CUL2: variants seen among roughly 807,000 people sequenced by gnomAD.
CUL2 encodes the protein cullin 2.
A neutral mutation model predicts 110.2 loss-of-function variants in CUL2; 22 were observed. The ratio of observed to expected loss-of-function variants is 0.20; its 90% confidence interval spans 0.14 to 0.28. The LOEUF is 0.28. CUL2 is among the 10% of genes least tolerant of loss of function. The pLI, the probability that CUL2 is intolerant of heterozygous loss-of-function variation, is 1.00. For synonymous variants in CUL2, 279 were observed against 293.2 expected, an observed-to-expected ratio of 0.95 and a Z score of 0.49; for missense variants, 631 against 905.5, an observed-to-expected ratio of 0.70 and a Z score of 3.89.
chr10:35,025,321 G>C (rs551893886), intron 16 of CUL2, 123 bp from the exon 17 acceptor site: 26 of 1,307,650 alleles, frequency 2.0e-5, no homozygotes, highest in Non-Finnish European at 2.4e-5. Context: ...AGCCCATCTG[G>C]TTTACCTCCT....
At chr10:35,049,335 TA>T (rs2086030121) in intron 6 of CUL2, among the ~76,000 whole-genome samples, 1 of 152,128 alleles carries the variant, frequency 6.6e-6, no homozygotes, top group Non-Finnish European at 1.5e-5. Context: ...CACGAGGATT[TA>T]AACAGGTAAT....
upstream of CUL2, chr10:35,126,742 G>T (rs367560139): frequency 1.7e-4 from 26 of 152,452 alleles, 1 homozygote; most frequent in South Asian, 5.0e-3. Context: ...CCACCTCCAG[G>T]CTAGTTCCTC....
chr10:35,103,900 A>T (rs2135114022), intron 1 of CUL2, among the ~76,000 whole-genome samples: 1 of 152,240 alleles, frequency 6.6e-6, no homozygotes, highest in Admixed American at 6.5e-5. Context: ...TCCAAGGGAT[A>T]GATCTTGGAA....
Position 35,028,854 on chromosome 10 carries a change from A to G in CUL2, c.1573T>C (p.Ser525Pro). The G allele has an allele frequency of 6.2e-7, 1 of 1,612,486 alleles. No homozygotes were observed. Among genetic ancestry groups the G allele is most frequent in the Non-Finnish European group, 8.5e-7 (1 of 1,178,926 alleles). The change falls in exon 16 of 21, where the codon TCT becomes CCT. Residue 525 changes from serine to proline, a missense_variant. Physicochemically the swap from Ser to Pro is moderately conservative, Grantham distance 74. Around this residue, in one of 3 missense-constraint regions of CUL2, gnomAD observed 134 missense variants for 260.4 expected, o/e 0.51. Coordinates refer to ENST00000374749, the MANE Select transcript of CUL2 (RefSeq NM_003591.4). ...GAWPLTQAPS[S>P]TFAIPQELEK... ...AATTCCTGGGGAATTGCAAACGTAG[A>G]TGAAGGAGCCTGAGTAAGAGGCCAC...
intron 2 of CUL2, chr10:35,098,240 A>G (rs941381882): frequency 2.0e-5 from 3 of 152,196 alleles, no homozygotes; most frequent in Non-Finnish European, 4.4e-5. Flanking sequence ...TAAAAGCTGC[A>G]CTGAAAAAGA....
chr10:35,051,457 CA>C (rs1290453523), intron 5 of CUL2, among the ~76,000 whole-genome samples: 1 of 151,746 alleles, frequency 6.6e-6, no homozygotes, highest in Admixed American at 6.6e-5. Flanking sequence ...ACTAAAAATA[CA>C]AAAAATTAGC....
At chr10:35,053,157 G>A (rs529122409) in intron 5 of CUL2, among the ~76,000 whole-genome samples, 78 of 152,234 alleles carry the variant, frequency 5.1e-4, no homozygotes, top group Non-Finnish European at 9.6e-4. Flanking sequence ...CAGAAAAGAT[G>A]CGAACTAAAT....
chr10:35,061,248 T>C (rs1436812070), intron 3 of CUL2, among the ~76,000 whole-genome samples: 1 of 150,954 alleles, frequency 6.6e-6, no homozygotes, highest in Non-Finnish European at 1.5e-5. Context: ...CCAAGGCGGG[T>C]GGATCACCTG....
At chr10:35,093,111 T>C (rs942595852), upstream of CUL2, among the ~76,000 whole-genome samples, 9 of 152,218 alleles carry the variant, frequency 5.9e-5, no homozygotes, top group East Asian at 1.9e-4. Context: ...AGGACTGTTT[T>C]CCACACCCCT....
At chr10:35,119,859 A>T (rs2087656953) in intron 1 of CUL2, 1 of 152,226 alleles carries the variant, frequency 6.6e-6, no homozygotes. Context: ...TTATAGGCAC[A>T]GGCCACCTTG....
intron 1 of CUL2, among the ~76,000 whole-genome samples, chr10:35,106,302 TTG>T (rs1480139465): frequency 3.4e-4 from 50 of 148,286 alleles, no homozygotes; most frequent in African/African-American, 1.2e-3. Flanking sequence ...AATGTGTTTT[TTG>T]TTTTTTTTTT....
intron 8 of CUL2, among the ~76,000 whole-genome samples, chr10:35,042,531 C>G (rs543572561): frequency 6.6e-6 from 1 of 152,114 alleles, no homozygotes; most frequent in African/African-American, 2.4e-5. Flanking sequence ...TCTTGCCCTA[C>G]CTTTCTGACT....
chr10:35,118,903 T>C (rs548164969), intron 1 of CUL2, among the ~76,000 whole-genome samples: 1 of 152,240 alleles, frequency 6.6e-6, no homozygotes, highest in Admixed American at 6.5e-5. Context: ...CATTTCACAA[T>C]TCCTCTACTC....
intron 8 of CUL2, among the ~76,000 whole-genome samples, chr10:35,043,303 C>T (rs564250224): frequency 6.6e-6 from 1 of 151,504 alleles, no homozygotes; most frequent in South Asian, 2.1e-4. Flanking sequence ...GAGGCTTCAA[C>T]AAAAGTCTAA....
rs372309687 is a variant in CUL2 at position 35,031,654 on chromosome 10, G to T, written c.1171-35C>A. On this transcript the variant is annotated intron_variant, in intron 12 of 20. Coordinates refer to ENST00000374749, the MANE Select transcript of CUL2 (RefSeq NM_003591.4). This position sits in a 1 kb window ranked among gnomAD's most constrained non-coding sequence, Gnocchi z 4.4. ...AAATTGATAATAAATCTTACAAAGG[G>T]TGCTTCTGTATATATCACGCCTCAA... The T allele has an allele frequency of 3.3e-5, 54 of 1,612,006 alleles. No individual in the cohort carries two copies. The highest frequency in any genetic ancestry group is 4.1e-5 in the Non-Finnish European group (48 of 1,179,316).
chr10:35,083,216 G>C (rs1246333601), intron 1 of CUL2, among the ~76,000 whole-genome samples: 1 of 151,624 alleles, frequency 6.6e-6, no homozygotes, highest in Non-Finnish European at 1.5e-5. Context: ...CCCACCGTCA[G>C]AAAATAGCAG....
intron 1 of CUL2, among the ~76,000 whole-genome samples, chr10:35,075,061 T>C (rs2086780226): frequency 6.6e-6 from 1 of 152,234 alleles, no homozygotes; most frequent in Admixed American, 6.5e-5. Context: ...AGACTTTTTT[T>C]GCTTTATGGA....
At chr10:35,068,909 C>T (rs1287966684) in intron 2 of CUL2, among the ~76,000 whole-genome samples, 1 of 152,074 alleles carries the variant, frequency 6.6e-6, no homozygotes, top group Admixed American at 6.6e-5. Flanking sequence ...CTCTTATTGC[C>T]CAGGCTGTAG....
intron 1 of CUL2, among the ~76,000 whole-genome samples, chr10:35,089,199 T>C (rs575037140): frequency 1.3e-3 from 195 of 152,274 alleles, no homozygotes; most frequent in Non-Finnish European, 2.2e-3. Flanking sequence ...TGTGTACTTC[T>C]CTTATCTCAC....
Sources: gnomAD v4.1 joint callset for allele counts (sites outside exome capture counted in the v4.1 genomes callset) on GRCh38, gnomAD v4.1.1 for gene constraint, gnomAD v4.1.1 regional missense constraint, Gnocchi (gnomAD v3.1) non-coding constraint, MANE v1.5 for transcripts, NCBI Gene and HGNC (gene_info 2026-07-23, HGNC 2026-07-21) for gene names.